The following PRELID2 variants were observed in gnomAD, a reference collection of about 807,000 sequenced individuals.
PRELID2 encodes PRELI domain-containing protein 2.
A neutral mutation model predicts 28.4 loss-of-function variants in PRELID2; 25 were observed. That is an observed-to-expected ratio of 0.88 (90% CI 0.64 to 1.23). The LOEUF (loss-of-function observed/expected upper bound fraction) is 1.23. PRELID2 is among the 50% of genes most tolerant of loss of function. The probability of loss-of-function intolerance (pLI) is 0.00; values close to 1 mark genes in which losing one functional copy is unlikely to be tolerated. For missense variants in PRELID2, 201 were observed against 214.4 expected (o/e 0.94, Z 0.39); for synonymous variants, 76 against 71.6 (o/e 1.06, Z -0.31).
chr5:145,242,934 T>C, the PRELID2 span, among the ~76,000 whole-genome samples: 2 of 152,138 alleles, frequency 1.3e-5, no homozygotes, highest in Non-Finnish European at 2.9e-5. Context: ...AATATTTATA[T>C]ACATATTTAA....
At chr5:145,741,340 A>G (rs1189428438) in intron 1 of PRELID2, among the ~76,000 whole-genome samples, 1 of 4,228 alleles carries the variant, frequency 2.4e-4, no homozygotes, top group Non-Finnish European at 9.7e-4. Context: ...ATATATAAAT[A>G]AAATTTATTA....
intron 1 of PRELID2, among the ~76,000 whole-genome samples, chr5:145,727,360 G>A (rs1044725267): frequency 1.1e-4 from 16 of 152,098 alleles, no homozygotes; most frequent in African/African-American, 3.6e-4. Flanking sequence ...CCACCCTTTA[G>A]CACAGAGCTT....
In PRELID2 at chr5:145,819,755, CA is replaced by C. The variant is rs11309175; in HGVS notation, c.207+189del. 2.4e-3 allele frequency: 1,413 copies of C among 597,716 alleles called. 17 individuals are homozygous for C. In the African/African-American group the frequency reaches 0.024, roughly 10 times the overall value. 37.0% of individuals were successfully genotyped at this position (597,716 alleles called of 1,614,324 possible). On this transcript the variant is annotated intron_variant, in intron 3 of 6. Coordinates refer to ENST00000683046, the MANE Select transcript of PRELID2 (RefSeq NM_205846.3). ...AAGAGTTCTTCACAAGACAGAGAGA[CA>C]AAGTATCTCCAGTGGCATCTGCTAA...
At chr5:145,392,032 T>C in the PRELID2 span, among the ~76,000 whole-genome samples, 11 of 152,258 alleles carry the variant, frequency 7.2e-5, no homozygotes, top group South Asian at 2.3e-3. Flanking sequence ...TCCTGTCTTC[T>C]TCTGGGCCCT....
chr5:145,592,493 CAT>C (rs1561513126), intron 1 of PRELID2, among the ~76,000 whole-genome samples: 2 of 150,364 alleles, frequency 1.3e-5, no homozygotes, highest in Admixed American at 6.7e-5. Context: ...CACACACACA[CAT>C]TGCTATGGAG....
At chr5:145,478,424 G>C (rs1045241285) in intron 1 of PRELID2, among the ~76,000 whole-genome samples, 2 of 152,054 alleles carry the variant, frequency 1.3e-5, no homozygotes, top group African/African-American at 4.8e-5. Flanking sequence ...GTGCGCACCT[G>C]TAATCCCAGC....
chr5:145,229,384 C>T, the PRELID2 span: 1 of 745,974 alleles, frequency 1.3e-6, no homozygotes, highest in South Asian at 1.3e-5. Flanking sequence ...TGCACATCAG[C>T]TACAAGGCTG....
the PRELID2 span, among the ~76,000 whole-genome samples, chr5:145,458,416 A>C: frequency 6.6e-6 from 1 of 152,228 alleles, no homozygotes; most frequent in Admixed American, 6.5e-5. Flanking sequence ...GCTTAAAAAT[A>C]ATGTAAAATT....
intron 1 of PRELID2, among the ~76,000 whole-genome samples, chr5:145,604,842 T>C (rs2149640430): frequency 7.2e-6 from 1 of 139,560 alleles, no homozygotes; most frequent in Middle Eastern, 3.7e-3. Flanking sequence ...ATTTCTCTAA[T>C]AATTAGCGAT....
At chr5:145,581,514 C>A (rs1485359220) in intron 1 of PRELID2, among the ~76,000 whole-genome samples, 2 of 152,030 alleles carry the variant, frequency 1.3e-5, no homozygotes, top group Non-Finnish European at 2.9e-5. Context: ...TTCTGTGACT[C>A]CTTTTTTGCA....
chr5:145,826,492 G>C (rs1322504985), intron 1 of PRELID2, among the ~76,000 whole-genome samples: 1 of 152,150 alleles, frequency 6.6e-6, no homozygotes, highest in African/African-American at 2.4e-5. Flanking sequence ...AGGTATATTT[G>C]ACTTCATTTT....
intron 1 of PRELID2, among the ~76,000 whole-genome samples, chr5:145,540,382 A>G (rs1347800942): frequency 6.6e-6 from 1 of 152,024 alleles, no homozygotes; most frequent in Non-Finnish European, 1.5e-5. Flanking sequence ...TAATACTTAC[A>G]CTAGTATACA....
chr5:145,735,764 G>C (rs1051059558), intron 1 of PRELID2, among the ~76,000 whole-genome samples: 1 of 152,020 alleles, frequency 6.6e-6, no homozygotes, highest in Non-Finnish European at 1.5e-5. Context: ...ATCTTCACAC[G>C]GTTGCTTTGG....
the PRELID2 span, among the ~76,000 whole-genome samples, chr5:145,236,118 A>G: frequency 1.3e-5 from 2 of 152,174 alleles, no homozygotes; most frequent in Non-Finnish European, 2.9e-5. Context: ...GTTACCAACT[A>G]TGGTGCATAA....
chr5:145,554,558 G>C (rs1752864542), intron 1 of PRELID2, among the ~76,000 whole-genome samples: 1 of 152,208 alleles, frequency 6.6e-6, no homozygotes, highest in Non-Finnish European at 1.5e-5. Context: ...CAAAGAGCTG[G>C]TTGGCAACTC....
At chr5:145,785,882 G>C (rs1038537509) in intron 5 of PRELID2, among the ~76,000 whole-genome samples, 2 of 152,136 alleles carry the variant, frequency 1.3e-5, no homozygotes, top group Middle Eastern at 3.2e-3. Context: ...TACTATATCA[G>C]AAGATTCTGG....
At chr5:145,621,551 G>T (rs1019542785) in intron 1 of PRELID2, among the ~76,000 whole-genome samples, 1 of 152,122 alleles carries the variant, frequency 6.6e-6, no homozygotes, top group Non-Finnish European at 1.5e-5. Flanking sequence ...CTCATACAAT[G>T]AAATATTATT....
At chr5:145,740,738 T>C (rs1354707253) in intron 1 of PRELID2, among the ~76,000 whole-genome samples, 2 of 117,440 alleles carry the variant, frequency 1.7e-5, no homozygotes, top group Non-Finnish European at 3.2e-5. Flanking sequence ...AAATATTATA[T>C]ATAAATATAT....
At chr5:145,581,051 C>T (rs770814479) in intron 1 of PRELID2, among the ~76,000 whole-genome samples, 6 of 151,952 alleles carry the variant, frequency 3.9e-5, no homozygotes, top group Non-Finnish European at 8.8e-5. Context: ...CCCTTCCTAC[C>T]ATTTACCTCC....
Sources: gnomAD v4.1 joint callset for allele counts (sites outside exome capture counted in the v4.1 genomes callset) on GRCh38, gnomAD v4.1.1 for gene constraint, MANE v1.5 for transcripts, NCBI Gene and HGNC (gene_info 2026-07-23, HGNC 2026-07-21) for gene names.